Variants in CAMTA1 observed in about 807,000 individuals in gnomAD.
CAMTA1 encodes the protein calmodulin-binding transcription activator 1.
CAMTA1 carries 27 observed loss-of-function variants against 170.9 expected under a neutral mutation model. The ratio of observed to expected loss-of-function variants is 0.16; its 90% CI spans 0.12 to 0.22. The LOEUF (loss-of-function observed/expected upper bound fraction) is 0.22. Among genes scored for constraint, CAMTA1 ranks in the 10% least tolerant of loss-of-function variants. The pLI is 1.00. For synonymous variants in CAMTA1, 833 were observed against 891.5 expected (o/e 0.93, Z 1.17); for missense variants, 1,619 against 2,217.2 (o/e 0.73, Z 5.42).
Position 6,936,917 on chromosome 1 carries a change from G to C in CAMTA1, c.234+111707G>C, listed in dbSNP as rs147152421. Among the ~76,000 whole-genome samples the C allele has an allele frequency of 1.2e-3, 180 of 152,236 alleles. 1 individual carries two copies. Among genetic ancestry groups the C allele is most frequent in the African/African-American group, 4.2e-3 (176 of 41,540 alleles). On this transcript the variant is annotated intron_variant, in intron 3 of 22. Coordinates refer to ENST00000303635, the MANE Select transcript of CAMTA1 (RefSeq NM_015215.4). ...GCAGGAGAATGGCGTGAACCCGAGA[G>C]GTGGAGCTTGCAGTGAGCCGAGATT...
chr1:7,654,816 C>CACCA (rs1553235419), intron 7 of CAMTA1, among the ~76,000 whole-genome samples: 1 of 127,432 alleles, frequency 7.8e-6, no homozygotes, highest in African/African-American at 3.1e-5. Flanking sequence ...CCCACACACA[C>CACCA]CACACACACC....
chr1:6,786,641 T>C (rs1025439921), intron 1 of CAMTA1, among the ~76,000 whole-genome samples: 16 of 152,326 alleles, frequency 1.1e-4, no homozygotes, highest in African/African-American at 2.6e-4. Context: ...TCTTACACTT[T>C]GCTGGGTTAG....
At chr1:7,043,732 G>A (rs1238099253) in intron 3 of CAMTA1, among the ~76,000 whole-genome samples, 2 of 152,150 alleles carry the variant, frequency 1.3e-5, no homozygotes, top group Admixed American at 6.5e-5. Flanking sequence ...TTTCGTCTTC[G>A]GTGGGTGGCT....
intron 5 of CAMTA1, among the ~76,000 whole-genome samples, chr1:7,303,399 T>C (rs921092940): frequency 8.5e-5 from 13 of 152,308 alleles, no homozygotes; most frequent in Middle Eastern, 3.4e-3. Context: ...CTAAATCCAA[T>C]GTATACATAC....
intron 6 of CAMTA1, among the ~76,000 whole-genome samples, chr1:7,606,521 G>T (rs763243001): frequency 4.6e-5 from 7 of 152,102 alleles, no homozygotes; most frequent in African/African-American, 1.4e-4. Context: ...AACAATTACC[G>T]CCAGCATGCC....
intron 4 of CAMTA1, among the ~76,000 whole-genome samples, chr1:7,230,154 C>T (rs930013859): frequency 1.3e-5 from 2 of 152,072 alleles, no homozygotes; most frequent in East Asian, 1.9e-4. Flanking sequence ...TGGCCTGGCT[C>T]CTGGCCCGGC....
At chr1:7,084,435 T>G (rs1014180231) in intron 3 of CAMTA1, among the ~76,000 whole-genome samples, 1 of 152,164 alleles carries the variant, frequency 6.6e-6, no homozygotes, top group Non-Finnish European at 1.5e-5. Flanking sequence ...GCATAGCTCC[T>G]TCTGGGGAGG....
At chr1:7,654,971 T>TAC (rs761477769) in intron 7 of CAMTA1, among the ~76,000 whole-genome samples, 5 of 128,486 alleles carry the variant, frequency 3.9e-5, no homozygotes, top group African/African-American at 1.2e-4. Flanking sequence ...CACCCACCTA[T>TAC]ACACACACAC....
At chr1:7,194,916 C>A (rs962665251) in intron 4 of CAMTA1, among the ~76,000 whole-genome samples, 2 of 152,236 alleles carry the variant, frequency 1.3e-5, no homozygotes, top group Non-Finnish European at 2.9e-5. Flanking sequence ...AGCTCTCTTT[C>A]TATTCCTAGC....
chr1:7,493,764 G>C (rs1025445501), intron 6 of CAMTA1, among the ~76,000 whole-genome samples: 3 of 152,206 alleles, frequency 2.0e-5, no homozygotes, highest in African/African-American at 7.2e-5. Flanking sequence ...TCCTACAGAA[G>C]TCAGCGAAAT....
chr1:7,640,289 G>C, intron 6 of CAMTA1, 111 bp from the exon 7 acceptor site: 1 of 1,186,386 alleles, frequency 8.4e-7, no homozygotes, highest in Non-Finnish European at 1.2e-6. Context: ...GGTCAAGAGA[G>C]CCGGGTGTCT....
chr1:7,169,571 C>T (rs1006412157), intron 4 of CAMTA1, among the ~76,000 whole-genome samples: 2 of 152,050 alleles, frequency 1.3e-5, no homozygotes, highest in Non-Finnish European at 2.9e-5. Flanking sequence ...GTAGTGCAAT[C>T]TCAGATCTCA....
At chr1:6,861,838 G>A (rs1664805337) in intron 3 of CAMTA1, among the ~76,000 whole-genome samples, 1 of 151,988 alleles carries the variant, frequency 6.6e-6, no homozygotes, top group Non-Finnish European at 1.5e-5. Context: ...CCGAAACTCT[G>A]TACCCAGTCA....
chr1:7,361,737 A>G (rs906377749), intron 5 of CAMTA1, among the ~76,000 whole-genome samples: 2 of 152,240 alleles, frequency 1.3e-5, no homozygotes, highest in Non-Finnish European at 2.9e-5. Context: ...ACTACTAGTT[A>G]AAGAAATTTG....
rs1316608118 is a variant in CAMTA1 at position 7,199,737 on chromosome 1, A to G, written c.303-49754A>G. 4.3e-5 allele frequency among the ~76,000 whole-genome samples: 5 copies of G among 117,026 alleles called. No homozygotes were observed. The East Asian group carries it at 1.4e-3, about 33-fold the overall frequency. 76.8% of individuals were successfully genotyped at this position (117,026 alleles called of 152,430 possible). On this transcript the variant is annotated intron_variant, in intron 4 of 22. Coordinates refer to ENST00000303635, the MANE Select transcript of CAMTA1 (RefSeq NM_015215.4). ...AGTCCTGCAGTTGGTGGAAAGGAGG[A>G]TGGTGGCTGGGGAGGGAGGGTGGGG...
At chr1:7,535,261 C>T (rs1194764481) in intron 6 of CAMTA1, among the ~76,000 whole-genome samples, 1 of 151,886 alleles carries the variant, frequency 6.6e-6, no homozygotes, top group African/African-American at 2.4e-5. Flanking sequence ...GGCAGGGCCC[C>T]CGGTCCTCTG....
In CAMTA1 at chr1:7,006,197, A is replaced by G. The variant is rs564036220; in HGVS notation, c.235-85107A>G. ...TTTAATTCTAGTCTTTCCCTGGGCA[A>G]TGGGATATCTTCAGATTCTCCCAAC... On this transcript the variant is annotated intron_variant, in intron 3 of 22. Coordinates refer to ENST00000303635, the MANE Select transcript of CAMTA1 (RefSeq NM_015215.4). Among the ~76,000 whole-genome samples, 176 of 152,324 alleles carry G rather than the reference A, an allele frequency of 1.2e-3. 3 individuals carry two copies. In the South Asian group the frequency reaches 0.036, roughly 31 times the overall value.
chr1:7,340,093 T>C (rs1418730776), intron 5 of CAMTA1, among the ~76,000 whole-genome samples: 4 of 152,228 alleles, frequency 2.6e-5, no homozygotes, highest in African/African-American at 9.6e-5. Flanking sequence ...GCCAGCCATA[T>C]GGTCTGTGTT....
chr1:7,261,135 G>A (rs1033845561), intron 5 of CAMTA1, among the ~76,000 whole-genome samples: 1 of 152,138 alleles, frequency 6.6e-6, no homozygotes, highest in Non-Finnish European at 1.5e-5. Flanking sequence ...CTTTCTTCTC[G>A]ATGTGAGAAT....
Sources: allele counts gnomAD v4.1 joint callset (sites outside exome capture counted in the v4.1 genomes callset), GRCh38; gene constraint gnomAD v4.1.1; transcripts MANE v1.5; gene names NCBI Gene and HGNC (gene_info 2026-07-23, HGNC 2026-07-21).